RPGR: variants seen among roughly 807,000 people sequenced by gnomAD.
RPGR encodes X-linked retinitis pigmentosa GTPase regulator.
A neutral mutation model predicts 56.3 loss-of-function variants in RPGR; 10 were observed. That is an observed-to-expected ratio of 0.18 (90% CI 0.11 to 0.30). The LOEUF (loss-of-function observed/expected upper bound fraction) is 0.30, where lower values mean the gene tolerates loss of function less well. Among genes scored for constraint, RPGR ranks in the 10% least tolerant of loss-of-function variants. The pLI is 1.00. For missense variants in RPGR, 538 were observed against 590.9 expected, an observed-to-expected ratio of 0.91 and a Z score of 0.93; for synonymous variants, 197 against 212.9, an observed-to-expected ratio of 0.93 and a Z score of 0.65.
intron 3 of RPGR, among the ~76,000 whole-genome samples, chrX:38,321,647 A>G (rs2067942723): frequency 9.8e-6 from 1 of 101,783 alleles, no homozygotes; most frequent in Non-Finnish European, 2.0e-5. Context: ...GTGACAGAGC[A>G]AGACCCTGTC....
chrX:38,285,943 C>G, intron 15 of RPGR: 1 of 1,027,482 alleles, frequency 9.7e-7, no homozygotes, highest in Non-Finnish European at 1.3e-6. Context: ...TTCCACTTCC[C>G]CTTCCTCTTC....
At chrX:38,313,509 T>C (rs751213525) in intron 6 of RPGR, among the ~76,000 whole-genome samples, 3 of 112,362 alleles carry the variant, frequency 2.7e-5, no homozygotes, top group African/African-American at 6.5e-5. Flanking sequence ...CAAAGGCACA[T>C]AGAACACATA....
At chrX:38,278,236 C>T (rs2066969913) in intron 15 of RPGR, among the ~76,000 whole-genome samples, 1 of 111,847 alleles carries the variant, frequency 8.9e-6, no homozygotes, top group Admixed American at 9.5e-5. Context: ...ATGATTCCAA[C>T]CGCCTGTTTT....
chrX:38,306,352 C>T (rs2067599359), intron 7 of RPGR, among the ~76,000 whole-genome samples: 1 of 112,291 alleles, frequency 8.9e-6, no homozygotes, highest in Non-Finnish European at 1.9e-5. Flanking sequence ...GATTTGAAAA[C>T]ATAATATGAC....
chrX:38,274,545 TG>T (rs1213074846), intron 17 of RPGR, among the ~76,000 whole-genome samples: 1 of 112,730 alleles, frequency 8.9e-6, no homozygotes, highest in Admixed American at 9.3e-5. Context: ...CCGGGTGTGG[TG>T]GCTCATGCCT....
intron 6 of RPGR, among the ~76,000 whole-genome samples, chrX:38,312,605 G>C (rs1397935109): frequency 1.8e-5 from 2 of 111,429 alleles, no homozygotes; most frequent in Non-Finnish European, 3.8e-5. Context: ...ACTCTCTTTT[G>C]AGTCACATCC....
chrX:38,299,071 A>C lies in RPGR; in HGVS notation c.1130T>G (p.Phe377Cys), dbSNP rs2067451185. The change falls in exon 10 of 19, where the codon TTC becomes TGC. Residue 377 changes from phenylalanine (F) to cysteine (C), a missense_variant. Physicochemically the swap from Phe to Cys is radical, Grantham distance 205. Around this residue, in one of 2 missense-constraint regions of RPGR, gnomAD observed 357 missense variants for 325.8 expected, o/e 1.10. Transcript: ENST00000642395. The stretch of plus-strand genomic sequence containing the variant: ...TAAGCAAGTATCATTTATTTCATCG[A>C]ATTCAATTTCTTTTGCCACACCACG... 3 of 1,210,071 alleles carry C rather than the reference A, an allele frequency of 2.5e-6. No homozygotes were observed. The highest frequency in any genetic ancestry group is 1.7e-5 in the African/African-American group (1 of 57,227).
chrX:38,323,577 T>C, intron 1 of RPGR, 53 bp from the exon 2 acceptor site: 1 of 1,168,960 alleles, frequency 8.6e-7, no homozygotes, highest in Admixed American at 2.2e-5. Flanking sequence ...TTGCCTGTTA[T>C]TAAAATAACT....
chrX:38,294,206 C>T (rs985672906), intron 11 of RPGR, among the ~76,000 whole-genome samples: 3 of 111,384 alleles, frequency 2.7e-5, no homozygotes, highest in East Asian at 2.8e-4. Flanking sequence ...CACGACACTA[C>T]GCTGCCCTAA....
intron 10 of RPGR, chrX:38,298,306 G>A (rs1309670415): frequency 6.6e-6 from 2 of 300,831 alleles, no homozygotes; most frequent in Non-Finnish European, 1.2e-5. Flanking sequence ...TATGTCATTG[G>A]AACAATAATT....
At chrX:38,316,710 T>C (rs964202691) in intron 6 of RPGR, among the ~76,000 whole-genome samples, 4 of 111,654 alleles carry the variant, frequency 3.6e-5, no homozygotes, top group Non-Finnish European at 1.9e-5. Flanking sequence ...TACTCTCTCT[T>C]GGTATCATGC....
Position 38,285,768 on chromosome X carries a change from A to T in RPGR, c.1905+1326T>A, listed in dbSNP as rs62636730. The T allele has an allele frequency of 0.024, 29,114 of 1,207,070 alleles. 288 individuals carry two copies. The highest frequency in any genetic ancestry group is 0.04 in the Middle Eastern group (176 of 4,350). On this transcript the variant is annotated intron_variant, in intron 15 of 18. Coordinates refer to ENST00000642395, the MANE Select transcript of RPGR (RefSeq NM_000328.3). ...TGTACTCCTCTCCATCCTGCCTTTCATTCTCTTCTTCGCCTGTCTCCTGAT... is the reference window on the plus strand; with the variant it reads ...TGTACTCCTCTCCATCCTGCCTTTCTTTCTCTTCTTCGCCTGTCTCCTGAT...
Position 38,269,496 on chromosome X carries a change from A to G in RPGR, c.*130T>C. The G allele has an allele frequency of 2.1e-6, 1 of 478,209 alleles. No homozygotes were observed. The highest frequency in any genetic ancestry group is 3.5e-6 in the Non-Finnish European group (1 of 284,993). 39.4% of individuals were successfully genotyped at this position (478,209 alleles called of 1,213,427 possible). ...ATATCAAAACTGGTCACACTTATAG[A>G]AGCTGAATAAAACATATTAAGTCTT... On this transcript the variant is annotated 3_prime_UTR_variant, in exon 19 of 19. Coordinates refer to ENST00000642395, the MANE Select transcript of RPGR (RefSeq NM_000328.3).
chrX:38,286,520 C>G lies in RPGR; in HGVS notation c.1905+574G>C, dbSNP rs2067179538. On this transcript the variant is annotated intron_variant, in intron 15 of 18. Transcript: ENST00000642395. ...CCCTCACCCTCCTCCTCTTCCTCTT[C>G]CCTCTCTCCTTTCCCCTCCTCTACT... 10 of 1,035,517 alleles carry G rather than the reference C, an allele frequency of 9.7e-6. No homozygotes were observed. In the East Asian group the frequency reaches 3.9e-4, roughly 41 times the overall value. 85.3% of individuals were successfully genotyped at this position (1,035,517 alleles called of 1,213,427 possible). A position where few individuals can be genotyped will look rare whatever the true frequency, so the allele number is the denominator to read the frequency against.
rs781004381 is a variant in RPGR at position 38,325,101 on chromosome X, C to T, written c.29-1577G>A. ...AGGACAATTGCATGAACCCCAGAGG[C>T]GGAGGTTGCAGTGAGCCAAGATAGC... is the stretch of plus-strand genomic sequence containing the variant. On this transcript the variant is annotated intron_variant, in intron 1 of 18. Transcript: ENST00000642395. Among the ~76,000 whole-genome samples the T allele has an allele frequency of 5.8e-4, 58 of 100,816 alleles. No individual in the cohort carries two copies. The Admixed American group carries it at 6.2e-3, about 11-fold the overall frequency. 87.5% of individuals were successfully genotyped at this position (100,816 alleles called of 115,157 possible).
chrX:38,301,534 G>A (rs1042338884), intron 8 of RPGR, among the ~76,000 whole-genome samples, 163 bp from the exon 9 acceptor site: 2 of 110,539 alleles, frequency 1.8e-5, no homozygotes, highest in African/African-American at 6.6e-5. Flanking sequence ...TGGTCTCTGT[G>A]GTCCTGCATG....
intron 6 of RPGR, among the ~76,000 whole-genome samples, chrX:38,311,021 C>T (rs980968524): frequency 8.9e-6 from 1 of 112,462 alleles, no homozygotes; most frequent in Non-Finnish European, 1.9e-5. Flanking sequence ...TTAGTGCTTT[C>T]ACAAAAGTGA....
chrX:38,314,006 T>A (rs961273435), intron 6 of RPGR, among the ~76,000 whole-genome samples: 1 of 111,568 alleles, frequency 9.0e-6, no homozygotes, highest in Non-Finnish European at 1.9e-5. Flanking sequence ...ACTGGAAGAA[T>A]TGTCTTTGGT....
At chrX:38,312,941 CA>C (rs57656419) in intron 6 of RPGR, among the ~76,000 whole-genome samples, 15 of 105,116 alleles carry the variant, frequency 1.4e-4, no homozygotes, top group Admixed American at 3.1e-4. Flanking sequence ...AGACCTAGCT[CA>C]AAAAAAAAAA....
Sources: gnomAD v4.1 joint callset for allele counts (sites outside exome capture counted in the v4.1 genomes callset) on GRCh38, gnomAD v4.1.1 for gene constraint, gnomAD v4.1.1 regional missense constraint, MANE v1.5 for transcripts, NCBI Gene and HGNC (gene_info 2026-07-23, HGNC 2026-07-21) for gene names.